The following SLC24A3 variants were observed in gnomAD, a reference collection of about 807,000 sequenced individuals.
The protein encoded by SLC24A3 is sodium/potassium/calcium exchanger 3.
In SLC24A3, 28 loss-of-function variants were observed where a neutral mutation model predicts 75.8. The ratio of observed to expected loss-of-function variants is 0.37; its 90% CI spans 0.27 to 0.51. The LOEUF is 0.51. Ranked by LOEUF, SLC24A3 falls within the 20% of genes least tolerant of loss-of-function variation. SLC24A3 has a pLI of 0.94. For synonymous variants in SLC24A3, 372 were observed against 334.1 expected (o/e 1.11, Z -1.24); for missense variants, 663 against 847.8 (o/e 0.78, Z 2.71).
intron 2 of SLC24A3, among the ~76,000 whole-genome samples, chr20:19,362,446 A>G (rs939423698): frequency 1.3e-5 from 2 of 152,220 alleles, no homozygotes; most frequent in African/African-American, 4.8e-5. Context: ...AAATGGTAAT[A>G]TCTAAAACAC....
At chr20:19,604,501 C>T (rs890849382) in intron 6 of SLC24A3, among the ~76,000 whole-genome samples, 5 of 152,116 alleles carry the variant, frequency 3.3e-5, no homozygotes, top group Admixed American at 2.0e-4. Context: ...GGTGGGGGGT[C>T]CTGGGGCCTT....
chr20:19,473,523 C>CT (rs914815207), intron 2 of SLC24A3, among the ~76,000 whole-genome samples: 53 of 152,348 alleles, frequency 3.5e-4, no homozygotes, highest in South Asian at 1.0e-3. Flanking sequence ...CTGTAGCTTT[C>CT]TTTTTTTCAT....
intron 2 of SLC24A3, among the ~76,000 whole-genome samples, chr20:19,507,613 C>T (rs1001532540): frequency 1.3e-5 from 2 of 152,194 alleles, no homozygotes; most frequent in African/African-American, 4.8e-5. Flanking sequence ...AAGCCACATG[C>T]AATCCACATC....
intron 1 of SLC24A3, among the ~76,000 whole-genome samples, chr20:19,230,663 G>T (rs1009847151): frequency 1.2e-5 from 1 of 81,196 alleles, no homozygotes; most frequent in Non-Finnish European, 2.7e-5. Flanking sequence ...CATATTGATG[G>T]GGGGGGTGCC....
intron 2 of SLC24A3, among the ~76,000 whole-genome samples, chr20:19,468,740 A>T (rs1987812801): frequency 6.6e-6 from 1 of 152,128 alleles, no homozygotes. Flanking sequence ...TGGCCACATA[A>T]ATTGCTCGGA....
intron 1 of SLC24A3, among the ~76,000 whole-genome samples, chr20:19,249,792 G>A (rs1191738936): frequency 6.6e-6 from 1 of 152,138 alleles, no homozygotes; most frequent in Non-Finnish European, 1.5e-5. Flanking sequence ...ATGATGATTT[G>A]CGGACTGAAG....
chr20:19,663,485 A>ACC (rs2032362480), intron 7 of SLC24A3, among the ~76,000 whole-genome samples: 6 of 23,780 alleles, frequency 2.5e-4, no homozygotes, highest in Admixed American at 5.0e-4. Context: ...CCGCCTTCTC[A>ACC]TCCTCCTCCT....
intron 2 of SLC24A3, among the ~76,000 whole-genome samples, chr20:19,369,858 G>A (rs1267023153): frequency 6.6e-6 from 1 of 152,078 alleles, no homozygotes; most frequent in Non-Finnish European, 1.5e-5. Context: ...GTAGAGTTGA[G>A]AGTTTCACTA....
chr20:19,338,124 T>TA (rs1484192963), intron 2 of SLC24A3, among the ~76,000 whole-genome samples: 7 of 152,134 alleles, frequency 4.6e-5, no homozygotes, highest in African/African-American at 1.7e-4. Context: ...ACCAAGATGG[T>TA]AAAAAATATA....
At chr20:19,243,885 A>C (rs1416857521) in intron 1 of SLC24A3, 1 of 152,238 alleles carries the variant, frequency 6.6e-6, no homozygotes, top group African/African-American at 2.4e-5. Context: ...ACCTTGATTC[A>C]GATGACTATG....
chr20:19,269,599 AC>A (rs1025957105), intron 1 of SLC24A3, among the ~76,000 whole-genome samples: 2 of 152,018 alleles, frequency 1.3e-5, no homozygotes, highest in African/African-American at 4.8e-5. Context: ...TCTTTCCAGC[AC>A]CCTTTGAAAG....
rs531034012 is a variant in SLC24A3 at position 19,245,822 on chromosome 20, C to CA, written c.142+32847dup. On this transcript the variant is annotated intron_variant, in intron 1 of 16. Transcript: ENST00000328041. The stretch of plus-strand genomic sequence containing the variant: ...ATTTAATAACATAGTCTCAACATGT[C>CA]AAAAAAAAACTTCACCAGAAACTGA... 2.1e-3 allele frequency among the ~76,000 whole-genome samples: 319 copies of CA among 150,440 alleles called. 9 individuals are homozygous for CA. In the South Asian group the frequency reaches 0.059, roughly 28 times the overall value.
At chr20:19,582,331 G>A (rs1397091651) in intron 4 of SLC24A3, among the ~76,000 whole-genome samples, 1 of 152,208 alleles carries the variant, frequency 6.6e-6, no homozygotes, top group African/African-American at 2.4e-5. Context: ...AAAACTGGGA[G>A]TGGGGCAGAA....
At chr20:19,326,704 A>G (rs1481607497) in intron 2 of SLC24A3, among the ~76,000 whole-genome samples, 1 of 151,602 alleles carries the variant, frequency 6.6e-6, no homozygotes, top group African/African-American at 2.4e-5. Context: ...CAGTCTCCAG[A>G]GTAGCTGGGA....
intron 3 of SLC24A3, among the ~76,000 whole-genome samples, chr20:19,534,939 T>G (rs2030369531): frequency 6.6e-6 from 1 of 152,256 alleles, no homozygotes; most frequent in Non-Finnish European, 1.5e-5. Flanking sequence ...TAAGAAATGC[T>G]AACTTACTAT....
chr20:19,603,173 C>A (rs2031550281), intron 6 of SLC24A3, among the ~76,000 whole-genome samples: 1 of 152,064 alleles, frequency 6.6e-6, no homozygotes, highest in Admixed American at 6.6e-5. Flanking sequence ...AGTCTCTGGC[C>A]CTGATTTGAC....
intron 6 of SLC24A3, among the ~76,000 whole-genome samples, chr20:19,639,687 G>A (rs965802792): frequency 2.8e-4 from 42 of 152,228 alleles, no homozygotes; most frequent in Non-Finnish European, 5.1e-4. Context: ...AGGGGGCGGC[G>A]CTCAATGGGG....
intron 13 of SLC24A3, chr20:19,694,303 A>C (rs748268264): frequency 6.6e-6 from 1 of 152,220 alleles, no homozygotes; most frequent in Non-Finnish European, 1.5e-5. Flanking sequence ...GCAAATCCAA[A>C]TTAATCTTGC....
intron 2 of SLC24A3, among the ~76,000 whole-genome samples, chr20:19,388,439 C>T (rs756345646): frequency 5.9e-5 from 9 of 152,108 alleles, no homozygotes; most frequent in Admixed American, 2.0e-4. Flanking sequence ...CAGCCTGGTG[C>T]GGTGGCTCAC....
Sources: allele counts gnomAD v4.1 joint callset (sites outside exome capture counted in the v4.1 genomes callset), GRCh38; gene constraint gnomAD v4.1.1; transcripts MANE v1.5; gene names NCBI Gene and HGNC (gene_info 2026-07-23, HGNC 2026-07-21).